The following ELP2 variants were observed in gnomAD, a reference collection of about 807,000 sequenced individuals.
ELP2 encodes elongator acetyltransferase complex subunit 2.
In ELP2, 90 loss-of-function variants were observed where a neutral mutation model predicts 119.2. The ratio of observed to expected loss-of-function variants is 0.75; its 90% CI spans 0.64 to 0.90. The LOEUF is 0.90. Ranked by LOEUF, ELP2 falls within the 40% of genes least tolerant of loss-of-function variation. The pLI is 0.00. For synonymous variants in ELP2, 339 were observed against 331.0 expected (o/e 1.02, Z -0.26); for missense variants, 921 against 967.8 (o/e 0.95, Z 0.64).
Position 36,133,248 on chromosome 18 carries a change from T to TTGTTACC in ELP2, c.150_156dup (p.Asn53CysfsTer19). ...TTTTCTTCTCTAAAGAAAAGGGTTG[T>TTGTTACC]TGTTACCAACTTGAATGGTCACACC... On this transcript the variant is annotated frameshift_variant, in exon 2 of 22. Transcript: ENST00000358232. LOFTEE classifies it high-confidence loss of function. 1 of 1,612,860 alleles carries TTGTTACC rather than the reference T, an allele frequency of 6.2e-7. No individual in the cohort carries two copies. Among genetic ancestry groups the TTGTTACC allele is most frequent in the Non-Finnish European group, 8.5e-7 (1 of 1,178,818 alleles).
chr18:36,151,399 A>G (rs2090395375), intron 11 of ELP2, among the ~76,000 whole-genome samples: 1 of 152,044 alleles, frequency 6.6e-6, no homozygotes, highest in African/African-American at 2.4e-5. Context: ...TCCAGCTTTT[A>G]CCATTTCTCC....
At chr18:36,170,260 T>C in intron 20 of ELP2, 64 bp downstream of exon 20, 16 of 1,595,638 alleles carry the variant, frequency 1.0e-5, no homozygotes, top group Non-Finnish European at 1.4e-5. Flanking sequence ...GTAGCCCTCA[T>C]GTCATTTCAT....
chr18:36,177,341 C>T lies in ELP2; in HGVS notation c.*2700C>T, dbSNP rs907735794. On this transcript the variant is annotated 3_prime_UTR_variant, in exon 22 of 22. Coordinates refer to ENST00000358232, the MANE Select transcript of ELP2 (RefSeq NM_018255.4). ...ATTCAGCCTCTAAAAGGAAGATACG[C>T]TGACATGTGCTGCAACATGGATGAA... The T allele has an allele frequency of 1.3e-5, 2 of 152,202 alleles. No homozygotes were observed. Among genetic ancestry groups the T allele is most frequent in the Non-Finnish European group, 2.9e-5 (2 of 68,052 alleles). The allele number at this position is 152,202 out of a possible 1,614,324, so 9.4% of individuals were successfully genotyped here. A position where few individuals can be genotyped will look rare whatever the true frequency, so the allele number is the denominator to read the frequency against.
At chr18:36,154,738 G>A in intron 11 of ELP2, 112 bp from the exon 12 acceptor site, 1 of 1,159,962 alleles carries the variant, frequency 8.6e-7, no homozygotes, top group Admixed American at 1.7e-5. Context: ...TGTATACTTA[G>A]CTTTTCACCT....
chr18:36,134,950 A>G (rs989532291), intron 2 of ELP2, among the ~76,000 whole-genome samples: 1 of 152,190 alleles, frequency 6.6e-6, no homozygotes, highest in Non-Finnish European at 1.5e-5. Context: ...CTTTGCTATG[A>G]TTTTATAAAT....
At position 36,154,900 on chromosome 18, in the gene ELP2, A is replaced by G; in HGVS notation, c.1176A>G (p.Gln392=). ...IVISGHFDGV[Q]DLVWDPEGEF... ...TTTCAGGACACTTTGATGGTGTCCAAGACCTAGTCTGGGATCCAGAAGGAG... is the reference window on the plus strand; with the variant it reads ...TTTCAGGACACTTTGATGGTGTCCAGGACCTAGTCTGGGATCCAGAAGGAG... Residue 392 remains glutamine (Q), a synonymous_variant, in exon 12 of 22, where the codon CAA becomes CAG. Transcript: ENST00000358232. The G allele has an allele frequency of 6.2e-7, 1 of 1,613,912 alleles. No individual in the cohort carries two copies. Among genetic ancestry groups the G allele is most frequent in the Non-Finnish European group, 8.5e-7 (1 of 1,179,762 alleles).
intron 21 of ELP2, among the ~76,000 whole-genome samples, chr18:36,172,055 G>A (rs930833104): frequency 6.6e-6 from 1 of 152,076 alleles, no homozygotes; most frequent in Non-Finnish European, 1.5e-5. Flanking sequence ...AAATGTGGCT[G>A]GGTGTGTTGG....
chr18:36,155,135 C>G, intron 12 of ELP2, 136 bp downstream of exon 12: 1 of 715,366 alleles, frequency 1.4e-6, no homozygotes, highest in East Asian at 2.7e-5. Context: ...GTCTCAGCCT[C>G]CCGAGTAGCT....
At chr18:36,158,443 A>AG in intron 13 of ELP2, 1 of 181,840 alleles carries the variant, frequency 5.5e-6, no homozygotes, top group South Asian at 1.2e-4. Flanking sequence ...GAGCATCATC[A>AG]GGGGATGTGC....
intron 1 of ELP2, 141 bp from the exon 2 acceptor site, chr18:36,133,097 A>G (rs572440471): frequency 3.0e-6 from 2 of 673,844 alleles, no homozygotes; most frequent in South Asian, 1.6e-5. Flanking sequence ...TTAAAAGTTT[A>G]TAGATTGAAG....
At chr18:36,170,373 G>A (rs573876044) in intron 20 of ELP2, among the ~76,000 whole-genome samples, 177 bp downstream of exon 20, 2 of 150,898 alleles carry the variant, frequency 1.3e-5, no homozygotes, top group South Asian at 4.2e-4. Context: ...ATGCAGTGGC[G>A]TGATCTCTGC....
chr18:36,171,339 A>G (rs1022078309), intron 21 of ELP2, among the ~76,000 whole-genome samples, 179 bp downstream of exon 21: 8 of 152,156 alleles, frequency 5.3e-5, no homozygotes, highest in Admixed American at 6.5e-5. Flanking sequence ...GATATATTGC[A>G]CTTGATTTTT....
At chr18:36,143,571 A>T (rs975981315) in intron 8 of ELP2, among the ~76,000 whole-genome samples, 2 of 151,380 alleles carry the variant, frequency 1.3e-5, no homozygotes, top group African/African-American at 2.4e-5. Flanking sequence ...AATTTTTAAA[A>T]TTTTCTGTAA....
chr18:36,152,111 T>C (rs1270696088), intron 11 of ELP2, among the ~76,000 whole-genome samples: 6 of 151,408 alleles, frequency 4.0e-5, no homozygotes, highest in Admixed American at 3.3e-4. Context: ...GAAGATCACT[T>C]GGGCCTGGGA....
chr18:36,165,122 A>G (rs1410917003), intron 18 of ELP2: 1 of 168,166 alleles, frequency 5.9e-6, no homozygotes, highest in Admixed American at 5.8e-5. Flanking sequence ...TAAATTATGA[A>G]ATGTAGAGGA....
intron 19 of ELP2, 134 bp from the exon 20 acceptor site, chr18:36,169,929 T>C: frequency 8.7e-7 from 1 of 1,155,840 alleles, no homozygotes; most frequent in Non-Finnish European, 1.3e-6. Flanking sequence ...TGGCACACCA[T>C]ACACGAATGT....
At chr18:36,133,732 A>ATTT (rs200172610) in intron 2 of ELP2, among the ~76,000 whole-genome samples, 4 of 46,266 alleles carry the variant, frequency 8.6e-5, no homozygotes, top group African/African-American at 2.2e-4. Context: ...TTATTTATTT[A>ATTT]TTTATTTTTT....
intron 21 of ELP2, among the ~76,000 whole-genome samples, chr18:36,171,541 C>G: frequency 6.6e-6 from 1 of 152,090 alleles, no homozygotes; most frequent in East Asian, 1.9e-4. Flanking sequence ...TATGATTGAG[C>G]CCTTTACCTC....
At chr18:36,160,412 A>G (rs1371257360) in intron 16 of ELP2, among the ~76,000 whole-genome samples, 1 of 151,882 alleles carries the variant, frequency 6.6e-6, no homozygotes, top group Non-Finnish European at 1.5e-5. Context: ...CCATCTCTAC[A>G]AAAAATTTTA....
Sources: gnomAD v4.1 joint callset for allele counts (sites outside exome capture counted in the v4.1 genomes callset) on GRCh38, gnomAD v4.1.1 for gene constraint, MANE v1.5 for transcripts, NCBI Gene and HGNC (gene_info 2026-07-23, HGNC 2026-07-21) for gene names.